The following ARL3 variants were observed in gnomAD, a reference collection of about 807,000 sequenced individuals.
ARL3 encodes ARF like GTPase 3, also known as ADP-ribosylation factor-like protein 3.
Under a neutral mutation model 26.0 loss-of-function variants are expected in ARL3, and 9 were observed. That is an observed-to-expected ratio of 0.35 (90% CI 0.21 to 0.60). The LOEUF is 0.60. ARL3 is among the 20% of genes least tolerant of loss of function. The pLI, the probability that ARL3 is intolerant of heterozygous loss-of-function variation, is 0.78. For missense variants in ARL3, 158 were observed against 215.7 expected (o/e 0.73, Z 1.67); for synonymous variants, 71 against 78.4 (o/e 0.91, Z 0.50).
chr10:102,678,970 C>A (rs892614906), intron 5 of ARL3, among the ~76,000 whole-genome samples: 1 of 152,240 alleles, frequency 6.6e-6, no homozygotes, highest in Non-Finnish European at 1.5e-5. Flanking sequence ...TGCCAGCTGA[C>A]CCCCGGCCTG....
chr10:102,690,005 T>G, intron 3 of ARL3, 62 bp from the exon 4 acceptor site: 3 of 1,098,342 alleles, frequency 2.7e-6, no homozygotes, highest in Non-Finnish European at 4.0e-6. Context: ...GGGCAATTTC[T>G]GCAAAAGGAG....
At chr10:102,684,736 T>G (rs1371419993) in intron 5 of ARL3, among the ~76,000 whole-genome samples, 4 of 151,442 alleles carry the variant, frequency 2.6e-5, no homozygotes, top group African/African-American at 9.7e-5. Flanking sequence ...CCTCCCAGCT[T>G]CAAGCAATTC....
chr10:102,700,014 T>A (rs1382478307), intron 2 of ARL3, among the ~76,000 whole-genome samples: 1 of 152,138 alleles, frequency 6.6e-6, no homozygotes, highest in Admixed American at 6.5e-5. Context: ...GAACTGAGGA[T>A]GCTATGGGGG....
At chr10:102,690,505 C>CG (rs1564730559) in intron 3 of ARL3, among the ~76,000 whole-genome samples, 1 of 151,856 alleles carries the variant, frequency 6.6e-6, no homozygotes, top group African/African-American at 2.4e-5. Context: ...AGGCTGGTCT[C>CG]GAACTCCTGA....
chr10:102,711,310 G>A (rs1387789478), intron 1 of ARL3, among the ~76,000 whole-genome samples: 1 of 132,152 alleles, frequency 7.6e-6, no homozygotes, highest in Non-Finnish European at 1.6e-5. Context: ...CTTGTATTCA[G>A]CTTCTGTGTG....
At chr10:102,701,462 C>T (rs1405883027) in intron 2 of ARL3, among the ~76,000 whole-genome samples, 1 of 152,168 alleles carries the variant, frequency 6.6e-6, no homozygotes, top group East Asian at 1.9e-4. Context: ...ACTGGGGATC[C>T]TGCTGACTCT....
At chr10:102,711,410 TTATATATATATA>T (rs1312445977) in intron 1 of ARL3, among the ~76,000 whole-genome samples, 1 of 150,838 alleles carries the variant, frequency 6.6e-6, no homozygotes, top group Admixed American at 6.6e-5. Context: ...GTGTGTGTTT[TTATATATATATA>T]TGTATATACA....
Position 102,675,181 on chromosome 10 carries a change from G to C in ARL3, c.*1713C>G, listed in dbSNP as rs868503119. The C allele has an allele frequency of 2.0e-5, 3 of 152,240 alleles. No homozygotes were observed. Among genetic ancestry groups the C allele is most frequent in the Admixed American group, 6.5e-5 (1 of 15,286 alleles). 9.4% of individuals were successfully genotyped at this position (152,240 alleles called of 1,614,324 possible). A position where few individuals can be genotyped will look rare whatever the true frequency, so the allele number is the denominator to read the frequency against. ...CCAGTGGAGGAGGCTGCAGAGAGCA[G>C]CTAGCTCTGAGGTTAAAAAAACCCC... On this transcript the variant is annotated 3_prime_UTR_variant, in exon 6 of 6. Coordinates refer to ENST00000260746, the MANE Select transcript of ARL3 (RefSeq NM_004311.4).
At chr10:102,682,669 C>A (rs1482068618) in intron 5 of ARL3, among the ~76,000 whole-genome samples, 1 of 152,204 alleles carries the variant, frequency 6.6e-6, no homozygotes. Context: ...CCTTAACTCG[C>A]CCCCGTGAGG....
rs2064341071 is a variant in ARL3, at chr10:102,711,594, A to G, written c.3+2679T>C. Among the ~76,000 whole-genome samples, 2 of 151,776 alleles carry G rather than the reference A, an allele frequency of 1.3e-5. 1 individual carries two copies. Among genetic ancestry groups the G allele is most frequent in the South Asian group, 4.1e-4 (2 of 4,824 alleles). On this transcript the variant is annotated intron_variant, in intron 1 of 5. Coordinates refer to ENST00000260746, the MANE Select transcript of ARL3 (RefSeq NM_004311.4). ...GTGAAACCCCGTCTCTACTAAAAACACACACACACAAAATTAGCCGGGCGT... is the reference window on the plus strand; with the variant it reads ...GTGAAACCCCGTCTCTACTAAAAACGCACACACACAAAATTAGCCGGGCGT...
chr10:102,692,267 T>C (rs1167337882), intron 3 of ARL3, among the ~76,000 whole-genome samples: 1 of 152,238 alleles, frequency 6.6e-6, no homozygotes, highest in Non-Finnish European at 1.5e-5. Context: ...TTAATGTCTT[T>C]ATATACTTCT....
At chr10:102,692,854 C>T (rs1251911217) in intron 3 of ARL3, among the ~76,000 whole-genome samples, 11 of 152,196 alleles carry the variant, frequency 7.2e-5, no homozygotes, top group South Asian at 2.1e-4. Context: ...GGACTACAGG[C>T]GCCCGCCGGC....
At chr10:102,687,593 CAGG>C (rs1374512624) in intron 4 of ARL3, among the ~76,000 whole-genome samples, 1 of 151,928 alleles carries the variant, frequency 6.6e-6, no homozygotes, top group East Asian at 1.9e-4. Context: ...GAGGCTGAGA[CAGG>C]AGAATTGCTT....
Position 102,708,908 on chromosome 10 carries a change from A to ATATATATATATATTTT in ARL3, c.4-3420_4-3419insAAAATATATATATATA. On this transcript the variant is annotated intron_variant, in intron 1 of 5. Transcript: ENST00000260746. ...ATATTATATATATATATATATATAT[A>ATATATATATATATTTT]TTTTTTTTTTTTTTGAGACAAGGTC... is the stretch of plus-strand genomic sequence containing the variant. Among the ~76,000 whole-genome samples, 501 of 95,132 alleles carry ATATATATATATATTTT rather than the reference A, an allele frequency of 5.3e-3. 3 individuals carry two copies. The highest frequency in any genetic ancestry group is 0.01 in the African/African-American group (244 of 23,748). The allele number at this position is 95,132 out of a possible 152,430, so 62.4% of individuals were successfully genotyped here.
At chr10:102,711,899 T>C (rs1454408534) in intron 1 of ARL3, among the ~76,000 whole-genome samples, 1 of 152,234 alleles carries the variant, frequency 6.6e-6, no homozygotes, top group African/African-American at 2.4e-5. Context: ...TGTTTATTTT[T>C]TTAAAATAAT....
At chr10:102,704,833 AAG>A (rs1445574636) in intron 2 of ARL3, among the ~76,000 whole-genome samples, 6 of 151,856 alleles carry the variant, frequency 4.0e-5, no homozygotes, top group Non-Finnish European at 7.4e-5. Context: ...GCAGAGACGG[AAG>A]AGGGGTGCAT....
chr10:102,711,619 T>C (rs187038761), intron 1 of ARL3, among the ~76,000 whole-genome samples: 6 of 151,672 alleles, frequency 4.0e-5, no homozygotes, highest in South Asian at 2.1e-4. Context: ...TAGCCGGGCG[T>C]GGTGGCGGGC....
intron 4 of ARL3, 90 bp downstream of exon 4, chr10:102,689,802 TG>T: frequency 1.3e-6 from 1 of 750,810 alleles, no homozygotes; most frequent in Non-Finnish European, 2.1e-6. Flanking sequence ...CACTCTAGCC[TG>T]GGCAACAAGA....
At chr10:102,682,221 C>G (rs2064158898) in intron 5 of ARL3, among the ~76,000 whole-genome samples, 1 of 152,174 alleles carries the variant, frequency 6.6e-6, no homozygotes, top group Admixed American at 6.5e-5. Flanking sequence ...CCTCATCACT[C>G]CCCTGGACAG....
Sources: gnomAD v4.1 joint callset for allele counts (sites outside exome capture counted in the v4.1 genomes callset) on GRCh38, gnomAD v4.1.1 for gene constraint, MANE v1.5 for transcripts, NCBI Gene and HGNC (gene_info 2026-07-23, HGNC 2026-07-21) for gene names.